Variants in LOC400499 observed in about 807,000 individuals in gnomAD.
chr16:11,405,370 T>A, the LOC400499 span, among the ~76,000 whole-genome samples: 1 of 152,308 alleles, frequency 6.6e-6, no homozygotes, highest in Middle Eastern at 3.4e-3. Flanking sequence ...GACCTGGTCC[T>A]GGCCCTTAAG....
chr16:11,459,121 T>TA, the LOC400499 span, among the ~76,000 whole-genome samples: 1 of 150,442 alleles, frequency 6.6e-6, no homozygotes, highest in African/African-American at 2.4e-5. Context: ...CAATTAAAAT[T>TA]AAAAGTTAAT....
At chr16:11,438,914 G>C in the LOC400499 span, among the ~76,000 whole-genome samples, 3 of 152,210 alleles carry the variant, frequency 2.0e-5, no homozygotes, top group Non-Finnish European at 4.4e-5. Flanking sequence ...GGGCAACATA[G>C]TGAGACCCCA....
chr16:11,450,542 C>G, the LOC400499 span: 2 of 1,479,704 alleles, frequency 1.4e-6, no homozygotes, highest in Admixed American at 2.0e-5. Context: ...TTTCATCCGC[C>G]TCTGCACCAG....
the LOC400499 span, among the ~76,000 whole-genome samples, chr16:11,423,816 G>A: frequency 6.6e-6 from 1 of 152,198 alleles, no homozygotes. Context: ...ACCAGACAGG[G>A]CCTGGTGCAG....
chr16:11,377,896 C>A, the LOC400499 span, among the ~76,000 whole-genome samples: 1 of 152,272 alleles, frequency 6.6e-6, no homozygotes, highest in East Asian at 1.9e-4. Flanking sequence ...TGGTGATTCA[C>A]CAGTGAAGGC....
At chr16:11,398,630 C>T in the LOC400499 span, 3 of 698,776 alleles carry the variant, frequency 4.3e-6, no homozygotes, top group Non-Finnish European at 6.0e-6. Flanking sequence ...TCAGAGCTCT[C>T]ATCAGCCACA....
chr16:11,387,124 C>T, the LOC400499 span: 63 of 1,232,278 alleles, frequency 5.1e-5, no homozygotes, highest in East Asian at 1.2e-3. Context: ...CCCAGGGGCC[C>T]GCCAGCAGGC....
At chr16:11,441,560 C>G in the LOC400499 span, among the ~76,000 whole-genome samples, 7 of 152,214 alleles carry the variant, frequency 4.6e-5, no homozygotes, top group Non-Finnish European at 1.0e-4. Context: ...TCACTGGAAC[C>G]TGTCAATATG....
chr16:11,504,777 G>C, the LOC400499 span, among the ~76,000 whole-genome samples: 3 of 152,108 alleles, frequency 2.0e-5, no homozygotes, highest in African/African-American at 7.2e-5. Context: ...ATAAAACTTA[G>C]CTGGGCATGG....
the LOC400499 span, among the ~76,000 whole-genome samples, chr16:11,486,050 A>AGATGGATGGATGTATG: frequency 5.9e-5 from 9 of 151,506 alleles, no homozygotes; most frequent in East Asian, 3.9e-4. Context: ...TTGAGTGAAT[A>AGATGGATGGATGTATG]GATGGATGGA....
chr16:11,469,108 C>T, the LOC400499 span: 14 of 398,976 alleles, frequency 3.5e-5, no homozygotes, highest in Admixed American at 2.6e-4. Context: ...GGCTCTGGTA[C>T]GGGGGAAGGA....
At chr16:11,382,888 G>T in the LOC400499 span, among the ~76,000 whole-genome samples, 1 of 152,080 alleles carries the variant, frequency 6.6e-6, no homozygotes, top group Non-Finnish European at 1.5e-5. Flanking sequence ...TAGGGGGTAG[G>T]GAATCCATTT....
the LOC400499 span, chr16:11,435,985 C>A: frequency 2.5e-6 from 1 of 397,886 alleles, no homozygotes; most frequent in South Asian, 1.4e-4. Context: ...CAACTTTGAG[C>A]ACTCACCAAT....
the LOC400499 span, among the ~76,000 whole-genome samples, chr16:11,452,193 G>GTT: frequency 8.6e-6 from 1 of 116,188 alleles, no homozygotes; most frequent in African/African-American, 3.1e-5. Context: ...TGGTTGCTCA[G>GTT]TTTTTTTGTT....
chr16:11,400,865 G>T, the LOC400499 span, among the ~76,000 whole-genome samples: 1 of 152,074 alleles, frequency 6.6e-6, no homozygotes, highest in Admixed American at 6.5e-5. Flanking sequence ...CCCTTTCATA[G>T]ATGGGAAAAC....
the LOC400499 span, among the ~76,000 whole-genome samples, chr16:11,387,988 A>G: frequency 0.69 from 104,225 of 152,018 alleles, 38,612 homozygotes; most frequent in Non-Finnish European, 0.82. Flanking sequence ...CTAGAGTAGG[A>G]GTCAAGCCTG....
chr16:11,442,209 T>C, the LOC400499 span: 1 of 152,134 alleles, frequency 6.6e-6, no homozygotes, highest in East Asian at 1.9e-4. Context: ...AAACAGCTTA[T>C]TTTATTCTAT....
the LOC400499 span, among the ~76,000 whole-genome samples, chr16:11,521,307 G>C: frequency 1.1e-3 from 160 of 152,272 alleles, no homozygotes; most frequent in Admixed American, 4.1e-3. Context: ...GTTTATCCAG[G>C]AAAAATATGA....
the LOC400499 span, chr16:11,385,122 G>C: frequency 8.1e-7 from 1 of 1,231,490 alleles, no homozygotes; most frequent in Non-Finnish European, 1.0e-6. Context: ...TGACAAGCTT[G>C]AAAGTGCCAT....
Sources: allele counts gnomAD v4.1 joint callset (sites outside exome capture counted in the v4.1 genomes callset), GRCh38; gene constraint gnomAD v4.1.1; transcripts MANE v1.5.